The following SGK1 variants were observed in gnomAD, a reference collection of about 807,000 sequenced individuals.
SGK1 encodes serum/glucocorticoid regulated kinase 1, also known as serine/threonine-protein kinase Sgk1.
In SGK1, 26 loss-of-function variants were observed where a neutral mutation model predicts 64.2. That is an observed-to-expected ratio of 0.40 (90% CI 0.30 to 0.56). The LOEUF (loss-of-function observed/expected upper bound fraction) is 0.56, where lower values mean the gene tolerates loss of function less well. Among genes scored for constraint, SGK1 ranks in the 20% least tolerant of loss-of-function variants. The pLI, the probability that SGK1 is intolerant of heterozygous loss-of-function variation, is 0.38. For synonymous variants in SGK1, 265 were observed against 239.7 expected (o/e 1.11, Z -0.98); for missense variants, 519 against 645.6 (o/e 0.80, Z 2.12).
At chr6:134,262,281 C>A in intron 1 of SGK1, 133 bp from the exon 2 acceptor site, 1 of 623,016 alleles carries the variant, frequency 1.6e-6, no homozygotes, top group Non-Finnish European at 2.8e-6. Flanking sequence ...GTCTATCTTT[C>A]AAACTCAACA....
intron 3 of SGK1, among the ~76,000 whole-genome samples, chr6:134,175,227 C>T (rs1452509244): frequency 3.9e-5 from 6 of 152,184 alleles, no homozygotes; most frequent in Admixed American, 2.6e-4. Context: ...GGGTTCGCAG[C>T]GCCGAAGCGC....
intron 2 of SGK1, among the ~76,000 whole-genome samples, chr6:134,210,334 A>G (rs554263839): frequency 1.3e-5 from 2 of 152,360 alleles, no homozygotes; most frequent in South Asian, 2.1e-4. Flanking sequence ...TTCCGCTTAC[A>G]TAAGGTATGT....
chr6:134,267,821 A>T (rs991706573), intron 1 of SGK1, among the ~76,000 whole-genome samples: 12 of 152,262 alleles, frequency 7.9e-5, no homozygotes, highest in African/African-American at 2.9e-4. Context: ...AAAAAGTGTT[A>T]CTTACAAAAA....
At chr6:134,250,328 C>T (rs368095161) in intron 2 of SGK1, among the ~76,000 whole-genome samples, 1 of 152,112 alleles carries the variant, frequency 6.6e-6, no homozygotes, top group Non-Finnish European at 1.5e-5. Flanking sequence ...GGTTTTCTTA[C>T]GGAACAGAGC....
At chr6:134,313,488 T>C (rs1284063145) in intron 1 of SGK1, among the ~76,000 whole-genome samples, 13 of 151,978 alleles carry the variant, frequency 8.6e-5, no homozygotes, top group Admixed American at 8.5e-4. Flanking sequence ...ACTCTATTTG[T>C]TGAAAAATGA....
At chr6:134,298,981 A>G (rs1462111648) in intron 1 of SGK1, among the ~76,000 whole-genome samples, 2 of 151,580 alleles carry the variant, frequency 1.3e-5, no homozygotes, top group Admixed American at 1.3e-4. Flanking sequence ...TTGTATTTTT[A>G]GTAGAGCAGG....
chr6:134,197,146 T>A (rs1412773656), intron 3 of SGK1, among the ~76,000 whole-genome samples: 3 of 152,128 alleles, frequency 2.0e-5, no homozygotes, highest in Non-Finnish European at 2.9e-5. Flanking sequence ...GATAAGAGGA[T>A]CGCTTGAACC....
At chr6:134,228,649 G>C (rs1013893991) in intron 2 of SGK1, among the ~76,000 whole-genome samples, 3 of 152,170 alleles carry the variant, frequency 2.0e-5, no homozygotes, top group African/African-American at 7.2e-5. Flanking sequence ...TTGAGTGAAT[G>C]AATGATAGAC....
intron 3 of SGK1, among the ~76,000 whole-genome samples, chr6:134,181,609 T>A (rs1330534770): frequency 6.6e-6 from 1 of 152,022 alleles, no homozygotes; most frequent in African/African-American, 2.4e-5. Flanking sequence ...CCTCCCAAAG[T>A]GCTGGGATTA....
At chr6:134,261,725 G>C (rs764207454) in intron 2 of SGK1, 19 of 616,816 alleles carry the variant, frequency 3.1e-5, no homozygotes, top group Non-Finnish European at 4.9e-5. Flanking sequence ...CAATGTTGCT[G>C]TGAACTTAAA....
chr6:134,295,447 T>C (rs1777333604), intron 1 of SGK1, among the ~76,000 whole-genome samples: 1 of 152,236 alleles, frequency 6.6e-6, no homozygotes, highest in South Asian at 2.1e-4. Flanking sequence ...CTCAAACCTG[T>C]AATCCCAGCA....
intron 2 of SGK1, among the ~76,000 whole-genome samples, chr6:134,232,912 A>G (rs1297741146): frequency 2.0e-5 from 3 of 152,098 alleles, no homozygotes; most frequent in Non-Finnish European, 4.4e-5. Context: ...GTAGGAAACA[A>G]TGTTTATTGT....
At chr6:134,269,277 ATT>A (rs71838612) in intron 1 of SGK1, among the ~76,000 whole-genome samples, 7 of 139,634 alleles carry the variant, frequency 5.0e-5, no homozygotes, top group Non-Finnish European at 7.9e-5. Flanking sequence ...CCAAACAGGC[ATT>A]TTTTTTTTTT....
chr6:134,188,213 C>T (rs895601874), intron 3 of SGK1, among the ~76,000 whole-genome samples: 6 of 152,040 alleles, frequency 3.9e-5, no homozygotes, highest in African/African-American at 1.4e-4. Context: ...ACACAAATAT[C>T]TTTACCTTTT....
chr6:134,267,573 A>G (rs2114755513), intron 1 of SGK1, among the ~76,000 whole-genome samples: 1 of 152,268 alleles, frequency 6.6e-6, no homozygotes, highest in Middle Eastern at 3.4e-3. Context: ...GATTACAGAC[A>G]TGAGCCATTA....
At chr6:134,284,581 T>C (rs912524937) in intron 1 of SGK1, among the ~76,000 whole-genome samples, 1 of 150,986 alleles carries the variant, frequency 6.6e-6, no homozygotes, top group African/African-American at 2.4e-5. Flanking sequence ...ACCTCCTAGG[T>C]TCAAGCGATT....
chr6:134,269,982 C>T (rs1038625882), intron 1 of SGK1, among the ~76,000 whole-genome samples: 5 of 147,174 alleles, frequency 3.4e-5, no homozygotes, highest in Admixed American at 2.8e-4. Flanking sequence ...AGCGCAATGG[C>T]GCGATCTCAG....
At chr6:134,256,382 GTGTA>G (rs1483192996) in intron 2 of SGK1, among the ~76,000 whole-genome samples, 3 of 152,250 alleles carry the variant, frequency 2.0e-5, no homozygotes, top group Non-Finnish European at 4.4e-5. Context: ...GTGTGTGTGT[GTGTA>G]TGTGTGTGTG....
At chr6:134,285,903 G>A (rs559092660) in intron 1 of SGK1, among the ~76,000 whole-genome samples, 50 of 152,236 alleles carry the variant, frequency 3.3e-4, no homozygotes, top group Middle Eastern at 3.4e-3. Flanking sequence ...CTGAGAGGAC[G>A]GAGTTGCTGA....
Sources: gnomAD v4.1 joint callset for allele counts (sites outside exome capture counted in the v4.1 genomes callset) on GRCh38, gnomAD v4.1.1 for gene constraint, MANE v1.5 for transcripts, NCBI Gene and HGNC (gene_info 2026-07-23, HGNC 2026-07-21) for gene names.